Variants in OR52N5 observed in about 807,000 individuals in gnomAD.
OR52N5 encodes olfactory receptor family 52 subfamily N member 5.
A neutral mutation model predicts 14.1 loss-of-function variants in OR52N5; 10 were observed. The observed-to-expected ratio is 0.71, with a 90% CI of 0.44 to 1.20. The LOEUF (loss-of-function observed/expected upper bound fraction) is 1.20, where lower values mean the gene tolerates loss of function less well. Among genes scored for constraint, OR52N5 ranks in the 50% most tolerant of loss-of-function variants. The pLI, the probability that OR52N5 is intolerant of heterozygous loss-of-function variation, is 0.00. For missense variants in OR52N5, 361 were observed against 403.2 expected (o/e 0.90, Z 0.90); for synonymous variants, 116 against 143.0 (o/e 0.81, Z 1.35).
rs1854554680 is a variant in OR52N5, at chr11:5,782,249, T to C, written c.-247-493A>G. 1.4e-5 allele frequency among the ~76,000 whole-genome samples: 2 copies of C among 139,576 alleles called. 1 individual carries two copies. The highest frequency in any genetic ancestry group is 1.5e-4 in the Admixed American group (2 of 13,530). 91.6% of individuals were successfully genotyped at this position (139,576 alleles called of 152,430 possible). A position where few individuals can be genotyped will look rare whatever the true frequency, so the allele number is the denominator to read the frequency against. On this transcript the variant is annotated intron_variant, in intron 1 of 2. Coordinates refer to ENST00000641181, the MANE Select transcript of OR52N5 (RefSeq NM_001385662.1). ...TATCGACTGTATCTGTGCCAGGCAATGTATCCTTTGGCACTTAGCAGAAGG... is the reference window on the plus strand; with the variant it reads ...TATCGACTGTATCTGTGCCAGGCAACGTATCCTTTGGCACTTAGCAGAAGG...
In OR52N5 at chr11:5,777,927, G is replaced by A. The variant is rs1854510026; in HGVS notation, c.708C>T (p.Ser236=). 6 of 1,521,258 alleles carry A rather than the reference G, an allele frequency of 3.9e-6. 1 individual carries two copies. The highest frequency in any genetic ancestry group is 5.4e-6 in the Non-Finnish European group (6 of 1,114,514). The allele number at this position is 1,521,258 out of a possible 1,614,324, so 94.2% of individuals were successfully genotyped here. A position where few individuals can be genotyped will look rare whatever the true frequency, so the allele number is the denominator to read the frequency against. ...TCTGCCGAGCATCTGATGAAGAGAG[G>A]CTGATCGCTGCCTTGAGGATCAAAG... ...SYTLILKAAI[S]LSSSDARQKA... is the part of the protein sequence containing the mutation. Residue 236 remains serine, a synonymous_variant, in exon 3 of 3, where the codon AGC becomes AGT. Coordinates refer to ENST00000641181, the MANE Select transcript of OR52N5 (RefSeq NM_001385662.1).
chr11:5,779,532 C>G (rs1362137200), intron 2 of OR52N5, among the ~76,000 whole-genome samples: 3 of 139,370 alleles, frequency 2.2e-5, no homozygotes, highest in Non-Finnish European at 4.8e-5. Context: ...TATCTAGACT[C>G]TCACTTTATT....
At position 5,777,822 on chromosome 11, in the gene OR52N5, G is replaced by T. The variant is rs753340779; in HGVS notation, c.813C>A (p.His271Gln). 40 of 1,520,754 alleles carry T rather than the reference G, an allele frequency of 2.6e-5. 7 individuals carry two copies. In the South Asian group the frequency reaches 4.7e-4, roughly 18 times the overall value. 94.2% of individuals were successfully genotyped at this position (1,520,754 alleles called of 1,614,324 possible). A position where few individuals can be genotyped will look rare whatever the true frequency, so the allele number is the denominator to read the frequency against. ...GGGGAATTGTGTGTCCCCCAAAACG[G>T]TGGGCAAAGAAAGTGAAGAATGCTG... ...YVPAFFTFFA[H>Q]RFGGHTIPPS... The change falls in exon 3 of 3, where the codon CAC becomes CAA. Residue 271 changes from histidine (H) to glutamine (Q), a missense_variant. Transcript: ENST00000641181.
At chr11:5,780,892 C>G (rs1477425552) in intron 2 of OR52N5, among the ~76,000 whole-genome samples, 1 of 139,896 alleles carries the variant, frequency 7.1e-6, no homozygotes, top group Admixed American at 7.3e-5. Context: ...ATACAAAAAT[C>G]AACTTAAAAT....
rs1854504491 is a variant in OR52N5, at chr11:5,777,527, C to T, written c.*133G>A. The T allele has an allele frequency of 1.4e-6, 1 of 715,648 alleles. No individual in the cohort carries two copies. The highest frequency in any genetic ancestry group is 2.0e-6 in the Non-Finnish European group (1 of 493,570). 44.3% of individuals were successfully genotyped at this position (715,648 alleles called of 1,614,324 possible). On this transcript the variant is annotated 3_prime_UTR_variant, in exon 3 of 3. Transcript: ENST00000641181. ...GAATGGGCTATAAATTTCCCCAAAACAGTTTCAGAAAACATAGACTGAGAG... is the reference window on the plus strand; with the variant it reads ...GAATGGGCTATAAATTTCCCCAAAATAGTTTCAGAAAACATAGACTGAGAG...
At position 5,781,115 on chromosome 11, in the gene OR52N5, T is replaced by C. The variant is rs183636500; in HGVS notation, c.-24+418A>G. On this transcript the variant is annotated intron_variant, in intron 2 of 2. Coordinates refer to ENST00000641181, the MANE Select transcript of OR52N5 (RefSeq NM_001385662.1). Reference sequence around the variant, plus strand: ...TTTCCTTAGATCAGACTTTCACATATGCTCCATTAAAGCAAATCCCTTATA... The same window carrying C: ...TTTCCTTAGATCAGACTTTCACATACGCTCCATTAAAGCAAATCCCTTATA... 7.1e-5 allele frequency among the ~76,000 whole-genome samples: 10 copies of C among 140,590 alleles called. 3 individuals carry two copies. In the East Asian group the frequency reaches 1.4e-3, roughly 20 times the overall value. 92.2% of individuals were successfully genotyped at this position (140,590 alleles called of 152,430 possible).
At position 5,778,510 on chromosome 11, in the gene OR52N5, A is replaced by T; in HGVS notation, c.125T>A (p.Met42Lys). 1 of 1,518,224 alleles carries T rather than the reference A, an allele frequency of 6.6e-7. No individual in the cohort carries two copies. 94.0% of individuals were successfully genotyped at this position (1,518,224 alleles called of 1,614,324 possible). The change falls in exon 3 of 3, where the codon ATG (methionine) becomes AAG (lysine). Residue 42 changes from methionine (M) to lysine (K), a missense_variant. Met to Lys is a moderately conservative substitution (Grantham distance 95, BLOSUM62 -1). Transcript: ENST00000641181. ...ATTCCCCACAAGGAAGATGATGTAC[A>T]TTGTGCAGAGTGGGAGGGAGATCCA... ...HVWISLPLCT[M>K]YIIFLVGNLG...
At position 5,780,119 on chromosome 11, in the gene OR52N5, C is replaced by T. The variant is rs1466033685; in HGVS notation, c.-24+1414G>A. On this transcript the variant is annotated intron_variant, in intron 2 of 2. Transcript: ENST00000641181. ...ACAATTTTGAAGATGTTTTAATCCA[C>T]TGCTTAATAATCTTCAATGTCTTCC... is the stretch of plus-strand genomic sequence containing the variant. Among the ~76,000 whole-genome samples the T allele has an allele frequency of 2.1e-5, 3 of 139,988 alleles. No homozygotes were observed. The East Asian group carries it at 6.2e-4, about 29-fold the overall frequency. 91.8% of individuals were successfully genotyped at this position (139,988 alleles called of 152,430 possible).
At position 5,777,566 on chromosome 11, in the gene OR52N5, T is replaced by C. The variant is rs911099606; in HGVS notation, c.*94A>G. ...ATAGACTGAGAGAGAAAATGTATGA[T>C]ACTACACATGAATAAATGTAAAATA... On this transcript the variant is annotated 3_prime_UTR_variant, in exon 3 of 3. Coordinates refer to ENST00000641181, the MANE Select transcript of OR52N5 (RefSeq NM_001385662.1). 14 of 984,686 alleles carry C rather than the reference T, an allele frequency of 1.4e-5. 2 individuals carry two copies. The highest frequency in any genetic ancestry group is 3.4e-5 in the African/African-American group (2 of 58,438). 61.0% of individuals were successfully genotyped at this position (984,686 alleles called of 1,614,324 possible).
Position 5,777,260 on chromosome 11 carries a change from T to C in OR52N5, c.*400A>G, listed in dbSNP as rs962795769. Reference sequence around the variant, plus strand: ...ACCTCCCAAATGTGTAAAACTATTATGTATCAATTTAAAAAATTTAGAAAA... The same window carrying C: ...ACCTCCCAAATGTGTAAAACTATTACGTATCAATTTAAAAAATTTAGAAAA... On this transcript the variant is annotated 3_prime_UTR_variant, in exon 3 of 3. Coordinates refer to ENST00000641181, the MANE Select transcript of OR52N5 (RefSeq NM_001385662.1). 7.1e-6 allele frequency: 1 copy of C among 141,436 alleles called. No homozygotes were observed. Among genetic ancestry groups the C allele is most frequent in the African/African-American group, 2.6e-5 (1 of 38,382 alleles). 8.8% of individuals were successfully genotyped at this position (141,436 alleles called of 1,614,324 possible). A position where few individuals can be genotyped will look rare whatever the true frequency, so the allele number is the denominator to read the frequency against.
Position 5,777,911 on chromosome 11 carries a change from C to T in OR52N5, c.724G>A (p.Ala242Thr). Residue 242 changes from alanine to threonine, a missense_variant, in exon 3 of 3, where the codon GCT (alanine) becomes ACT (threonine). Ala to Thr is a moderately conservative substitution (Grantham distance 58). Transcript: ENST00000641181. ...KAAISLSSSD[A>T]RQKAFSTCTA... Reference sequence around the variant, plus strand: ...CAGGTGCTGAAAGCCTTCTGCCGAGCATCTGATGAAGAGAGGCTGATCGCT... The same window carrying T: ...CAGGTGCTGAAAGCCTTCTGCCGAGTATCTGATGAAGAGAGGCTGATCGCT... 6.6e-7 allele frequency: 1 copy of T among 1,521,436 alleles called. No individual in the cohort carries two copies. Among genetic ancestry groups the T allele is most frequent in the Non-Finnish European group, 9.0e-7 (1 of 1,114,702 alleles). 94.2% of individuals were successfully genotyped at this position (1,521,436 alleles called of 1,614,324 possible).
At position 5,776,462 on chromosome 11, in the gene OR52N5, C is replaced by A. The variant is rs1854494472; in HGVS notation, c.*1198G>T. 2 of 140,056 alleles carry A rather than the reference C, an allele frequency of 1.4e-5. No homozygotes were observed. The highest frequency in any genetic ancestry group is 5.2e-5 in the African/African-American group (2 of 38,246). 8.7% of individuals were successfully genotyped at this position (140,056 alleles called of 1,614,324 possible). A position where few individuals can be genotyped will look rare whatever the true frequency, so the allele number is the denominator to read the frequency against. On this transcript the variant is annotated 3_prime_UTR_variant, in exon 3 of 3. Transcript: ENST00000641181. Reference sequence around the variant, plus strand: ...CTAATATATACATAAAAATATTTCTCAAAATTAATTCATAAACCTAATTTT... The same window carrying A: ...CTAATATATACATAAAAATATTTCTAAAAATTAATTCATAAACCTAATTTT...
In OR52N5 at chr11:5,778,036, C is replaced by G; in HGVS notation, c.599G>C (p.Ser200Thr). 1 of 1,521,084 alleles carries G rather than the reference C, an allele frequency of 6.6e-7. No individual in the cohort carries two copies. The highest frequency in any genetic ancestry group is 9.0e-7 in the Non-Finnish European group (1 of 1,114,162). 94.2% of individuals were successfully genotyped at this position (1,521,084 alleles called of 1,614,324 possible). ...HMSVVKLSCA[S>T]IKVNVIYGLM... ...ACCATAGATTACATTGACCTTGATG[C>G]TGGCACAAGATAGCTTTACTACAGA... is the stretch of plus-strand genomic sequence containing the variant. The change falls in exon 3 of 3, where the codon AGC (serine) becomes ACC (threonine). Residue 200 changes from serine (S) to threonine (T), a missense_variant. By Grantham distance (58) the Ser-to-Thr change is moderately conservative (BLOSUM62 1). Coordinates refer to ENST00000641181, the MANE Select transcript of OR52N5 (RefSeq NM_001385662.1).
chr11:5,778,134 AGG>A lies in OR52N5; in HGVS notation c.499_500del (p.Pro167PhefsTer6), dbSNP rs747397426. Reference protein sequence around the residue: ...TFLRGVLLMIPFPFLVKRLPF... With the variant: ...TFLRGVLLMIXFPFLVKRLPF... Reference sequence around the variant, plus strand: ...GCAAACGCTTAACCAAGAATGGGAAAGGAATCATCAGCAATACACCCCTCAGG... The same window carrying A: ...GCAAACGCTTAACCAAGAATGGGAAAAATCATCAGCAATACACCCCTCAGG... On this transcript the variant is annotated frameshift_variant, in exon 3 of 3. Coordinates refer to ENST00000641181, the MANE Select transcript of OR52N5 (RefSeq NM_001385662.1). LOFTEE classifies it high-confidence loss of function. 75 of 1,521,390 alleles carry A rather than the reference AGG, an allele frequency of 4.9e-5. 15 individuals carry two copies. The highest frequency in any genetic ancestry group is 5.5e-5 in the Non-Finnish European group (61 of 1,114,756). 94.2% of individuals were successfully genotyped at this position (1,521,390 alleles called of 1,614,324 possible).
At chr11:5,779,067 T>G (rs1339760968) in intron 2 of OR52N5, among the ~76,000 whole-genome samples, 1 of 140,234 alleles carries the variant, frequency 7.1e-6, no homozygotes, top group Admixed American at 7.4e-5. Context: ...CGGTCCAAAA[T>G]TTCTTCAGTA....
chr11:5,776,853 T>C lies in OR52N5; in HGVS notation c.*807A>G, dbSNP rs1854497213. On this transcript the variant is annotated 3_prime_UTR_variant, in exon 3 of 3. Transcript: ENST00000641181. ...CAACAAACATGGGAGTGCAGGTATC[T>C]GGTATCTCTTCAACATATTGTTTTT... 7.1e-6 allele frequency: 1 copy of C among 140,174 alleles called. No individual in the cohort carries two copies. Among genetic ancestry groups the C allele is most frequent in the Non-Finnish European group, 1.6e-5 (1 of 63,432 alleles). The allele number at this position is 140,174 out of a possible 1,614,324, so 8.7% of individuals were successfully genotyped here.
Position 5,777,520 on chromosome 11 carries a change from C to A in OR52N5, c.*140G>T. ...ACATCCAGAATGGGCTATAAATTTC[C>A]CCAAAACAGTTTCAGAAAACATAGA... On this transcript the variant is annotated 3_prime_UTR_variant, in exon 3 of 3. Transcript: ENST00000641181. The A allele has an allele frequency of 1.5e-6, 1 of 665,830 alleles. No homozygotes were observed. Among genetic ancestry groups the A allele is most frequent in the Non-Finnish European group, 2.2e-6 (1 of 451,770 alleles). The allele number at this position is 665,830 out of a possible 1,614,324, so 41.2% of individuals were successfully genotyped here.
At chr11:5,781,088 G>C (rs1302232905) in intron 2 of OR52N5, among the ~76,000 whole-genome samples, 1 of 140,242 alleles carries the variant, frequency 7.1e-6, no homozygotes, top group East Asian at 2.1e-4. Flanking sequence ...ATGAAACATA[G>C]GTTTCCTTAG....
At position 5,778,390 on chromosome 11, in the gene OR52N5, G is replaced by A; in HGVS notation, c.245C>T (p.Thr82Ile). Residue 82 changes from threonine (T) to isoleucine (I), a missense_variant, in exon 3 of 3, where the codon ACC becomes ATC. Thr to Ile is a moderately conservative substitution (Grantham distance 89). Transcript: ENST00000641181. ...GHALSLIDLLTCTTTLPNALC... is the reference protein window; with the variant it reads ...GHALSLIDLLICTTTLPNALC... ...TGCATTGGGTAGAGTGGTGGTGCAG[G>A]TAAGGAGGTCAATGAGGGAGAGAGC... is the stretch of plus-strand genomic sequence containing the variant. 6.6e-7 allele frequency: 1 copy of A among 1,519,806 alleles called. No homozygotes were observed. Among genetic ancestry groups the A allele is most frequent in the Non-Finnish European group, 9.0e-7 (1 of 1,114,138 alleles). The allele number at this position is 1,519,806 out of a possible 1,614,324, so 94.1% of individuals were successfully genotyped here.
Sources: gnomAD v4.1 joint callset for allele counts (sites outside exome capture counted in the v4.1 genomes callset) on GRCh38, gnomAD v4.1.1 for gene constraint, MANE v1.5 for transcripts, NCBI Gene and HGNC (gene_info 2026-07-23, HGNC 2026-07-21) for gene names.